TNS1: variants seen among roughly 807,000 people sequenced by gnomAD.
TNS1 encodes tensin 1, also known as tensin-1.
A neutral mutation model predicts 168.6 loss-of-function variants in TNS1; 62 were observed. The ratio of observed to expected loss-of-function variants is 0.37; its 90% confidence interval spans 0.30 to 0.45. TNS1 has a LOEUF of 0.45. Among genes scored for constraint, TNS1 ranks in the 20% least tolerant of loss-of-function variants. The pLI is 1.00. For synonymous variants in TNS1, 934 were observed against 933.2 expected, an observed-to-expected ratio of 1.00 and a Z score of -0.02; for missense variants, 2,240 against 2,339.4, an observed-to-expected ratio of 0.96 and a Z score of 0.88.
intron 19 of TNS1, among the ~76,000 whole-genome samples, chr2:217,837,696 T>TA (rs1384751297): frequency 6.6e-6 from 1 of 152,224 alleles, no homozygotes; most frequent in Admixed American, 6.5e-5. Context: ...ATGGGGACAG[T>TA]AAACTAGACT....
At chr2:217,878,677 C>T (rs530045960) in intron 18 of TNS1, among the ~76,000 whole-genome samples, 32 of 152,184 alleles carry the variant, frequency 2.1e-4, no homozygotes, top group Non-Finnish European at 4.4e-4. Context: ...GCAGTCCTTC[C>T]TCAGGCCGTG....
chr2:217,823,515 G>A (rs1024331700), intron 22 of TNS1, among the ~76,000 whole-genome samples: 7 of 152,192 alleles, frequency 4.6e-5, no homozygotes, highest in Admixed American at 1.3e-4. Flanking sequence ...CATGGCCTCC[G>A]TGGAGTGGCT....
intron 14 of TNS1, 77 bp from the exon 15 acceptor site, chr2:217,885,896 C>T: frequency 3.2e-6 from 5 of 1,556,014 alleles, no homozygotes; most frequent in Non-Finnish European, 4.4e-6. Flanking sequence ...TCCCTGCTGC[C>T]CCTACGCCAC....
At chr2:217,898,215 C>G (rs1010914609) in intron 7 of TNS1, among the ~76,000 whole-genome samples, 1 of 152,254 alleles carries the variant, frequency 6.6e-6, no homozygotes, top group African/African-American at 2.4e-5. Flanking sequence ...CAGAACCAAA[C>G]TGTGATGACA....
intron 18 of TNS1, among the ~76,000 whole-genome samples, chr2:217,851,440 TACACACACACAC>T (rs3838563): frequency 1.0e-4 from 14 of 139,730 alleles, no homozygotes; most frequent in Non-Finnish European, 2.2e-4. Context: ...TGCATCCCTC[TACACACACACAC>T]ACACACACAC....
intron 5 of TNS1, 65 bp from the exon 6 acceptor site, chr2:217,906,450 G>A: frequency 4.3e-6 from 3 of 700,806 alleles, no homozygotes; most frequent in Non-Finnish European, 7.8e-6. Context: ...GCACCTTGCT[G>A]GGTTTGTCAG....
chr2:217,913,463 TC>T (rs1954657870), intron 4 of TNS1, among the ~76,000 whole-genome samples: 1 of 151,958 alleles, frequency 6.6e-6, no homozygotes, highest in African/African-American at 2.4e-5. Context: ...ATGGCTCTCC[TC>T]CCCGACCTGG....
chr2:217,974,725 A>C (rs1957851962), intron 3 of TNS1, among the ~76,000 whole-genome samples: 1 of 152,178 alleles, frequency 6.6e-6, no homozygotes, highest in Non-Finnish European at 1.5e-5. Context: ...TGTGCATTTA[A>C]TCCTCTGCAA....
chr2:217,981,764 C>G (rs369187644), intron 2 of TNS1, among the ~76,000 whole-genome samples: 9 of 152,218 alleles, frequency 5.9e-5, no homozygotes, highest in African/African-American at 2.2e-4. Flanking sequence ...CTCACATATC[C>G]TCCCAAGGGG....
At chr2:217,834,035 A>C (rs1469212440) in intron 21 of TNS1, among the ~76,000 whole-genome samples, 1 of 152,244 alleles carries the variant, frequency 6.6e-6, no homozygotes, top group Non-Finnish European at 1.5e-5. Flanking sequence ...TTTTAATGTG[A>C]CTACTAGAGA....
At chr2:217,927,050 T>C (rs1380828437) in intron 3 of TNS1, among the ~76,000 whole-genome samples, 1 of 152,214 alleles carries the variant, frequency 6.6e-6, no homozygotes, top group Non-Finnish European at 1.5e-5. Context: ...GTTTATCCAC[T>C]GTGTGTCTCA....
At position 217,828,138 on chromosome 2, in the gene TNS1, T is replaced by C. The variant is rs894072431; in HGVS notation, c.3373+3317A>G. On this transcript the variant is annotated intron_variant, in intron 22 of 32. Coordinates refer to ENST00000682258, the MANE Select transcript of TNS1 (RefSeq NM_001387777.1). The stretch of plus-strand genomic sequence containing the variant: ...CAGCCTCCAGCTTGGGAGAAAGCCC[T>C]TTCCCCAAGCATGAGGCTGCGGGGG... Among the ~76,000 whole-genome samples, 10 of 152,202 alleles carry C rather than the reference T, an allele frequency of 6.6e-5. No individual in the cohort carries two copies. In the South Asian group the frequency reaches 1.4e-3, roughly 22 times the overall value.
rs564421768 is a variant in TNS1 at position 217,962,663 on chromosome 2, A to C, written c.186+16102T>G. ...TTTACAGTAGAATTCCAGTTAATAAATGTAGAAAGAATGATGGAAAGAGAA... is the reference window on the plus strand; with the variant it reads ...TTTACAGTAGAATTCCAGTTAATAACTGTAGAAAGAATGATGGAAAGAGAA... On this transcript the variant is annotated intron_variant, in intron 3 of 32. Coordinates refer to ENST00000682258, the MANE Select transcript of TNS1 (RefSeq NM_001387777.1). 1.1e-3 allele frequency among the ~76,000 whole-genome samples: 160 copies of C among 152,344 alleles called. 1 individual carries two copies. Among genetic ancestry groups the C allele is most frequent in the African/African-American group, 3.6e-3 (150 of 41,580 alleles).
chr2:217,843,685 C>G (rs995268649), intron 19 of TNS1, among the ~76,000 whole-genome samples: 6 of 152,126 alleles, frequency 3.9e-5, no homozygotes, highest in African/African-American at 1.2e-4. Context: ...AATCTCCTGC[C>G]CTTCCTCCTT....
chr2:217,909,585 A>G (rs1954121830), intron 4 of TNS1, among the ~76,000 whole-genome samples: 1 of 151,710 alleles, frequency 6.6e-6, no homozygotes, highest in African/African-American at 2.4e-5. Flanking sequence ...ACACACACAC[A>G]CACACACACA....
At chr2:217,997,924 G>A (rs1008032825) in intron 1 of TNS1, among the ~76,000 whole-genome samples, 1 of 152,240 alleles carries the variant, frequency 6.6e-6, no homozygotes. Flanking sequence ...AATCACATGG[G>A]TGAAGCTACT....
intron 18 of TNS1, chr2:217,849,678 C>G (rs1947197690): frequency 2.0e-6 from 2 of 985,326 alleles, no homozygotes; most frequent in East Asian, 1.1e-4. Context: ...AAGTCTCACC[C>G]CTGCTTCGAT....
intron 19 of TNS1, among the ~76,000 whole-genome samples, chr2:217,843,757 G>A (rs760823802): frequency 2.0e-5 from 3 of 151,886 alleles, no homozygotes; most frequent in Non-Finnish European, 4.4e-5. Flanking sequence ...GCCACCACCC[G>A]AACACTCACT....
intron 1 of TNS1, among the ~76,000 whole-genome samples, chr2:218,022,204 G>T (rs1958811494): frequency 6.6e-6 from 1 of 152,068 alleles, no homozygotes; most frequent in South Asian, 2.1e-4. Context: ...AGAGGAGTAG[G>T]CAGGGAGGCA....
Sources: allele counts gnomAD v4.1 joint callset (sites outside exome capture counted in the v4.1 genomes callset), GRCh38; gene constraint gnomAD v4.1.1; transcripts MANE v1.5; gene names NCBI Gene and HGNC (gene_info 2026-07-23, HGNC 2026-07-21).